DRG1: variants seen among roughly 807,000 people sequenced by gnomAD.
DRG1 encodes developmentally-regulated GTP-binding protein 1.
Under a neutral mutation model 38.8 loss-of-function variants are expected in DRG1, and 19 were observed. That is an observed-to-expected ratio of 0.49 (90% confidence interval 0.34 to 0.72). The LOEUF is 0.72. Among genes scored for constraint, DRG1 ranks in the 30% least tolerant of loss-of-function variants. DRG1 has a pLI of 0.01. For missense variants in DRG1, 299 were observed against 444.8 expected, an observed-to-expected ratio of 0.67 and a Z score of 2.95; for synonymous variants, 167 against 157.5, an observed-to-expected ratio of 1.06 and a Z score of -0.45.
intron 5 of DRG1, among the ~76,000 whole-genome samples, chr22:31,422,412 CAA>C (rs1473771994): frequency 2.6e-5 from 4 of 151,786 alleles, no homozygotes; most frequent in Admixed American, 2.0e-4. Context: ...GCCTGGGCAA[CAA>C]GAGCAAAACT....
At chr22:31,414,624 C>T (rs1302970932) in intron 4 of DRG1, among the ~76,000 whole-genome samples, 3 of 151,978 alleles carry the variant, frequency 2.0e-5, no homozygotes, top group African/African-American at 7.2e-5. Flanking sequence ...GCTGGTTTTA[C>T]CTTTGAAATA....
At chr22:31,419,834 A>G (rs2050066350) in intron 4 of DRG1, among the ~76,000 whole-genome samples, 1 of 152,182 alleles carries the variant, frequency 6.6e-6, no homozygotes, top group Non-Finnish European at 1.5e-5. Flanking sequence ...GCCTGAGCTC[A>G]GGAGTTCGAG....
At chr22:31,405,143 T>TTACTTTTG (rs889385590) in intron 3 of DRG1, among the ~76,000 whole-genome samples, 1 of 152,090 alleles carries the variant, frequency 6.6e-6, no homozygotes, top group African/African-American at 2.4e-5. Flanking sequence ...TAGGTTGCCT[T>TTACTTTTG]TACTTTTGTA....
At chr22:31,413,173 A>G (rs1235397028) in intron 4 of DRG1, among the ~76,000 whole-genome samples, 1 of 152,052 alleles carries the variant, frequency 6.6e-6, no homozygotes, top group African/African-American at 2.4e-5. Context: ...TACGTAGCTC[A>G]CCGTAACCAT....
Position 31,426,686 on chromosome 22 carries a change from A to G in DRG1, c.785A>G (p.Tyr262Cys), listed in dbSNP as rs754726403. Reference protein sequence around the residue: ...QISIEELDIIYKVPHCVPISA... With the variant: ...QISIEELDIICKVPHCVPISA... ...TCCATTGAGGAATTGGATATCATCT[A>G]TAAGGTGCCTCACTGTGTACCCATC... The change falls in exon 7 of 9, where the codon TAT (tyrosine) becomes TGT (cysteine). Residue 262 changes from tyrosine (Y) to cysteine (C), a missense_variant. Transcript: ENST00000331457. The G allele has an allele frequency of 1.1e-5, 17 of 1,614,162 alleles. No homozygotes were observed. Among genetic ancestry groups the G allele is most frequent in the Non-Finnish European group, 1.4e-5 (16 of 1,179,996 alleles).
At position 31,405,854 on chromosome 22, in the gene DRG1, A is replaced by G. The variant is rs541852905; in HGVS notation, c.342+2650A>G. Among the ~76,000 whole-genome samples the G allele has an allele frequency of 2.0e-5, 3 of 151,704 alleles. No individual in the cohort carries two copies. In the South Asian group the frequency reaches 6.3e-4, roughly 32 times the overall value. Reference sequence around the variant, plus strand: ...CAGGTGCCCACCACTATGCCCAGCTAATTTTGTATTTTTAGTAGAGACGGG... The same window carrying G: ...CAGGTGCCCACCACTATGCCCAGCTGATTTTGTATTTTTAGTAGAGACGGG... On this transcript the variant is annotated intron_variant, in intron 3 of 8. Transcript: ENST00000331457.
intron 6 of DRG1, among the ~76,000 whole-genome samples, chr22:31,423,819 G>C (rs893208987): frequency 6.7e-6 from 1 of 149,284 alleles, no homozygotes; most frequent in Non-Finnish European, 1.5e-5. Flanking sequence ...GAGCCACTGT[G>C]TCCAGCCTGT....
chr22:31,408,501 A>G (rs2050001439), intron 3 of DRG1, among the ~76,000 whole-genome samples: 1 of 151,690 alleles, frequency 6.6e-6, no homozygotes, highest in African/African-American at 2.4e-5. Flanking sequence ...TAATCCCAGC[A>G]CTTTGGGAGA....
intron 3 of DRG1, among the ~76,000 whole-genome samples, chr22:31,407,994 C>T (rs695615): frequency 0.018 from 2,673 of 150,078 alleles, 24 homozygotes; most frequent in African/African-American, 0.022. Flanking sequence ...GGCATGGTGG[C>T]GGGCACCTGT....
rs144292452 is a variant in DRG1 at position 31,405,229 on chromosome 22, C to T, written c.342+2025C>T. Among the ~76,000 whole-genome samples, 97 of 149,864 alleles carry T rather than the reference C, an allele frequency of 6.5e-4. No homozygotes were observed. In the East Asian group the frequency reaches 0.018, roughly 28 times the overall value. The stretch of plus-strand genomic sequence containing the variant: ...TGTCACCCAGGCTGGAGTGCAGTGG[C>T]GTGATTCGGCTCACTGCAACCTCTG... On this transcript the variant is annotated intron_variant, in intron 3 of 8. Coordinates refer to ENST00000331457, the MANE Select transcript of DRG1 (RefSeq NM_004147.4).
rs1476450614 is a variant in DRG1 at position 31,434,037 on chromosome 22, C to G, written c.*66C>G. On this transcript the variant is annotated 3_prime_UTR_variant, in exon 9 of 9. Transcript: ENST00000331457. ...CGTTCCCCATGATCAAGCACCCTAC[C>G]CCAGTTCTTTCTGGTTTTGGCAGTC... 2.7e-6 allele frequency: 4 copies of G among 1,479,016 alleles called. No homozygotes were observed. Among genetic ancestry groups the G allele is most frequent in the African/African-American group, 1.4e-5 (1 of 72,186 alleles). 91.6% of individuals were successfully genotyped at this position (1,479,016 alleles called of 1,614,324 possible).
chr22:31,411,296 G>A (rs1047663327), intron 4 of DRG1, among the ~76,000 whole-genome samples: 4 of 152,152 alleles, frequency 2.6e-5, no homozygotes, highest in Admixed American at 2.0e-4. Flanking sequence ...AGGCATGTAT[G>A]GGTATAGAGC....
At chr22:31,413,802 T>C (rs992123914) in intron 4 of DRG1, among the ~76,000 whole-genome samples, 2 of 151,894 alleles carry the variant, frequency 1.3e-5, no homozygotes, top group African/African-American at 4.8e-5. Flanking sequence ...TTAGTAGAGA[T>C]GGGGTTTCAC....
In DRG1 at chr22:31,427,065, C is replaced by G; in HGVS notation, c.887C>G (p.Thr296Ser). ...WDYLKLVRIY[T>S]KPKGQLPDYT... Reference sequence around the variant, plus strand: ...TTATGCCCTCTCTATTCTAGTTACACCAAACCCAAAGGCCAGTTACCAGAT... The same window carrying G: ...TTATGCCCTCTCTATTCTAGTTACAGCAAACCCAAAGGCCAGTTACCAGAT... The change falls in exon 8 of 9, where the codon ACC becomes AGC. Residue 296 changes from threonine (T) to serine (S), a missense_variant. By Grantham distance (58) the Thr-to-Ser change is moderately conservative (BLOSUM62 1). Transcript: ENST00000331457. The G allele has an allele frequency of 6.2e-7, 1 of 1,613,916 alleles. No individual in the cohort carries two copies. The highest frequency in any genetic ancestry group is 1.3e-5 in the African/African-American group (1 of 75,022).
At chr22:31,401,130 T>G (rs1214850386) in intron 2 of DRG1, among the ~76,000 whole-genome samples, 1 of 151,446 alleles carries the variant, frequency 6.6e-6, no homozygotes, top group African/African-American at 2.4e-5. Context: ...CAAAATAGAT[T>G]TACATGCGCT....
chr22:31,434,123 A>G lies in DRG1; in HGVS notation c.*152A>G. ...CCCAAACTGGAACTTCATTTGTCTTACCTTGGTGTCACCTTGTATGTCGAA... is the reference window on the plus strand; with the variant it reads ...CCCAAACTGGAACTTCATTTGTCTTGCCTTGGTGTCACCTTGTATGTCGAA... On this transcript the variant is annotated 3_prime_UTR_variant, in exon 9 of 9. Coordinates refer to ENST00000331457, the MANE Select transcript of DRG1 (RefSeq NM_004147.4). 1 of 635,852 alleles carries G rather than the reference A, an allele frequency of 1.6e-6. No homozygotes were observed. 39.4% of individuals were successfully genotyped at this position (635,852 alleles called of 1,614,324 possible).
At chr22:31,425,367 C>G (rs867121106) in intron 6 of DRG1, among the ~76,000 whole-genome samples, 1 of 151,848 alleles carries the variant, frequency 6.6e-6, no homozygotes, top group Non-Finnish European at 1.5e-5. Flanking sequence ...TACAGAAGTC[C>G]GAGCAGGCCA....
intron 3 of DRG1, among the ~76,000 whole-genome samples, chr22:31,404,109 C>A (rs2049977292): frequency 6.8e-6 from 1 of 146,796 alleles, no homozygotes; most frequent in Admixed American, 7.2e-5. Flanking sequence ...TCAGTGTCTT[C>A]TGACCTTAGA....
Position 31,423,265 on chromosome 22 carries a change from G to A in DRG1, c.583-15G>A, listed in dbSNP as rs745588726. The stretch of plus-strand genomic sequence containing the variant: ...TAAATTTTGTGCTGACTAGTCATCT[G>A]CTATTCCCTTTCAGTGCCCCCAGAG... On this transcript the variant is annotated splice_polypyrimidine_tract_variant and intron_variant, in intron 5 of 8. Transcript: ENST00000331457. The A allele has an allele frequency of 3.1e-6, 5 of 1,613,466 alleles. No homozygotes were observed. In the East Asian group the frequency reaches 1.1e-4, roughly 36 times the overall value.
Sources: gnomAD v4.1 joint callset for allele counts (sites outside exome capture counted in the v4.1 genomes callset) on GRCh38, gnomAD v4.1.1 for gene constraint, MANE v1.5 for transcripts, NCBI Gene and HGNC (gene_info 2026-07-23, HGNC 2026-07-21) for gene names.